DERL1: variants seen among roughly 807,000 people sequenced by gnomAD.
DERL1 encodes derlin-1.
Under a neutral mutation model 41.6 loss-of-function variants are expected in DERL1, and 24 were observed. The observed-to-expected ratio is 0.58, with a 90% confidence interval of 0.42 to 0.81. The LOEUF is 0.81. Ranked by LOEUF, DERL1 falls within the 30% of genes least tolerant of loss-of-function variation. The pLI is 0.00. For missense variants in DERL1, 260 were observed against 314.3 expected (o/e 0.83, Z 1.31); for synonymous variants, 124 against 112.5 (o/e 1.10, Z -0.65).
intron 7 of DERL1, chr8:123,017,393 T>G (rs1190875807): frequency 2.0e-5 from 3 of 152,160 alleles, no homozygotes; most frequent in Non-Finnish European, 4.4e-5. Context: ...AATAGAACAC[T>G]TGCTGGAGAA....
Position 123,019,293 on chromosome 8 carries a change from C to T in DERL1, c.519G>A (p.Glu173=), listed in dbSNP as rs201119908. Residue 173 remains glutamate (E), a synonymous_variant, in exon 7 of 8, where the codon GAG becomes GAA. Coordinates refer to ENST00000259512, the MANE Select transcript of DERL1 (RefSeq NM_024295.6). ...NYIIGGSVIN[E]LIGNLVGHLY... is the part of the protein sequence containing the mutation. ...GATGTCCAACCAGATTTCCAATAAGCTCATTGATTACCCTGCAAAGAGAGC... is the reference window on the plus strand; with the variant it reads ...GATGTCCAACCAGATTTCCAATAAGTTCATTGATTACCCTGCAAAGAGAGC... 9.9e-6 allele frequency: 16 copies of T among 1,612,850 alleles called. No homozygotes were observed. The highest frequency in any genetic ancestry group is 4.0e-5 in the African/African-American group (3 of 74,878).
chr8:123,037,239 T>A (rs933441565), intron 1 of DERL1, among the ~76,000 whole-genome samples: 3 of 152,222 alleles, frequency 2.0e-5, no homozygotes, highest in African/African-American at 7.2e-5. Flanking sequence ...AACATTTTTC[T>A]ATGTGTTCTA....
intron 1 of DERL1, among the ~76,000 whole-genome samples, chr8:123,038,269 T>C (rs1034599785): frequency 6.6e-6 from 1 of 152,232 alleles, no homozygotes; most frequent in Non-Finnish European, 1.5e-5. Context: ...AGCAGAACTC[T>C]GCTAAAGCAC....
chr8:123,037,149 AT>A (rs145904923), intron 1 of DERL1, among the ~76,000 whole-genome samples: 3,720 of 152,018 alleles, frequency 0.024, 160 homozygotes, highest in African/African-American at 0.085. Flanking sequence ...ATTGGCAACT[AT>A]TTTTTTTCCC....
rs1161726379 is a variant in DERL1, at chr8:123,034,599, CCAGA to C, written c.154-3887_154-3884del. Among the ~76,000 whole-genome samples the C allele has an allele frequency of 3.3e-5, 5 of 152,152 alleles. No individual in the cohort carries two copies. The East Asian group carries it at 5.8e-4, about 18-fold the overall frequency. On this transcript the variant is annotated intron_variant, in intron 1 of 7. Coordinates refer to ENST00000259512, the MANE Select transcript of DERL1 (RefSeq NM_024295.6). ...TAAGTGGTGAAGCTAGAATTTTATC[CCAGA>C]CAGTCTGACTCCAGAGTTTGTGATA...
intron 1 of DERL1, 151 bp downstream of exon 1, chr8:123,041,819 G>T: frequency 1.8e-6 from 2 of 1,117,780 alleles, no homozygotes; most frequent in Non-Finnish European, 1.2e-6. Context: ...GAGCCTCCCC[G>T]GGCCCAAAGG....
intron 1 of DERL1, among the ~76,000 whole-genome samples, chr8:123,034,608 C>G (rs1204267725): frequency 1.5e-4 from 23 of 152,190 alleles, no homozygotes; most frequent in Non-Finnish European, 5.9e-5. Context: ...CCCAGACAGT[C>G]TGACTCCAGA....
Position 123,025,016 on chromosome 8 carries a change from GAATA to G in DERL1, c.296_299del (p.Leu99SerfsTer11), listed in dbSNP as rs768881035. 1.9e-6 allele frequency: 3 copies of G among 1,613,706 alleles called. No individual in the cohort carries two copies. Among genetic ancestry groups the G allele is most frequent in the Admixed American group, 1.7e-5 (1 of 59,960 alleles). ...TGCAAATCCAGTTAAAGAGGAGCAT[GAATA>G]AATAGTCTGCTGGCCTCCCATCAAA... On this transcript the variant is annotated frameshift_variant, in exon 3 of 8. Transcript: ENST00000259512. LOFTEE classifies it high-confidence loss of function.
intron 1 of DERL1, among the ~76,000 whole-genome samples, chr8:123,031,765 A>G (rs1812820842): frequency 6.6e-6 from 1 of 152,144 alleles, no homozygotes; most frequent in South Asian, 2.1e-4. Flanking sequence ...AATTGGCTTC[A>G]TAGTATTCCT....
chr8:123,023,796 C>T, intron 3 of DERL1, 57 bp from the exon 4 acceptor site: 1 of 1,570,276 alleles, frequency 6.4e-7, no homozygotes, highest in Non-Finnish European at 8.7e-7. Context: ...CTAGTCAAGA[C>T]TGATGTGGTT....
At chr8:123,026,791 G>A (rs1214656627) in intron 2 of DERL1, among the ~76,000 whole-genome samples, 1 of 145,094 alleles carries the variant, frequency 6.9e-6, no homozygotes, top group African/African-American at 2.6e-5. Context: ...CAAGTCAAAT[G>A]TCTATCAACT....
chr8:123,022,566 C>CTATG, intron 5 of DERL1, 118 bp downstream of exon 5: 2 of 908,202 alleles, frequency 2.2e-6, no homozygotes, highest in Non-Finnish European at 3.5e-6. Flanking sequence ...AGGGGCTTGC[C>CTATG]TATGGTACAC....
intron 1 of DERL1, among the ~76,000 whole-genome samples, chr8:123,041,702 T>C (rs1370056845): frequency 6.6e-6 from 1 of 152,186 alleles, no homozygotes; most frequent in African/African-American, 2.4e-5. Flanking sequence ...CTTCCTTCAC[T>C]GAGTGCGAAG....
chr8:123,039,210 T>G (rs1344827085), intron 1 of DERL1, among the ~76,000 whole-genome samples: 2 of 152,238 alleles, frequency 1.3e-5, no homozygotes, highest in Middle Eastern at 3.4e-3. Flanking sequence ...ATCTCTCTGA[T>G]CTCATCACCT....
At chr8:123,027,305 AAAAAAAAAAAAAAAT>A (rs1156482636) in intron 2 of DERL1, among the ~76,000 whole-genome samples, 1 of 144,500 alleles carries the variant, frequency 6.9e-6, no homozygotes, top group African/African-American at 2.6e-5. Context: ...AAAAAAAAAA[AAAAAAAAAAAAAAAT>A]TTAGTGGTCT....
At chr8:123,023,803 G>T (rs188895233) in intron 3 of DERL1, 64 bp from the exon 4 acceptor site, 3 of 1,550,942 alleles carry the variant, frequency 1.9e-6, no homozygotes, top group Non-Finnish European at 2.6e-6. Flanking sequence ...AGACTGATGT[G>T]GTTATTTTCC....
chr8:123,038,775 A>G (rs1272188430), intron 1 of DERL1, among the ~76,000 whole-genome samples: 1 of 152,242 alleles, frequency 6.6e-6, no homozygotes, highest in Non-Finnish European at 1.5e-5. Context: ...CACCAGGGAC[A>G]AAGTACACAA....
intron 2 of DERL1, among the ~76,000 whole-genome samples, chr8:123,025,979 GAAAAAAAAA>G (rs1343863945): frequency 8.1e-6 from 1 of 123,274 alleles, no homozygotes; most frequent in Non-Finnish European, 1.8e-5. Context: ...TTTAACAGAA[GAAAAAAAAA>G]AAAAGAAACA....
At chr8:123,018,816 C>CA in intron 7 of DERL1, 1 of 245,690 alleles carries the variant, frequency 4.1e-6, no homozygotes, top group Non-Finnish European at 7.9e-6. Flanking sequence ...CTTCCTTGGG[C>CA]AAAATCATGG....
Sources: gnomAD v4.1 joint callset for allele counts (sites outside exome capture counted in the v4.1 genomes callset) on GRCh38, gnomAD v4.1.1 for gene constraint, MANE v1.5 for transcripts, NCBI Gene and HGNC (gene_info 2026-07-23, HGNC 2026-07-21) for gene names.